Variants in EDDM13 observed in about 807,000 individuals in gnomAD.
EDDM13 encodes epididymal protein 13.
In EDDM13, 24 loss-of-function variants were observed where a neutral mutation model predicts 17.8. The ratio of observed to expected loss-of-function variants is 1.35; its 90% CI spans 0.98 to 1.90. The LOEUF (loss-of-function observed/expected upper bound fraction) is 1.90. Ranked by LOEUF, EDDM13 falls within the 40% of genes most tolerant of loss-of-function variation. The probability of loss-of-function intolerance (pLI) is 0.00; values close to 1 mark genes in which losing one functional copy is unlikely to be tolerated. For synonymous variants in EDDM13, 31 were observed against 37.5 expected, an observed-to-expected ratio of 0.83 and a Z score of 0.63; for missense variants, 97 against 100.8, an observed-to-expected ratio of 0.96 and a Z score of 0.16.
chr19:56,287,138 C>T (rs543033567), intron 6 of EDDM13, among the ~76,000 whole-genome samples: 5 of 152,304 alleles, frequency 3.3e-5, no homozygotes, highest in Non-Finnish European at 7.3e-5. Flanking sequence ...TGACAGTTTC[C>T]GAGTTTTGTC....
chr19:56,300,413 A>G (rs147664831), intron 12 of EDDM13, among the ~76,000 whole-genome samples: 4 of 152,322 alleles, frequency 2.6e-5, no homozygotes, highest in African/African-American at 9.6e-5. Flanking sequence ...GCTTAATCCA[A>G]GGGAAAAATA....
intron 2 of EDDM13, among the ~76,000 whole-genome samples, chr19:56,278,344 G>T (rs1053808867): frequency 3.3e-5 from 5 of 152,174 alleles, no homozygotes; most frequent in African/African-American, 4.8e-5. Context: ...ATGTTGGCCA[G>T]GCTGGTTTTG....
Position 56,305,918 on chromosome 19 carries a change from C to T in EDDM13, c.461+1088C>T, listed in dbSNP as rs183610323. On this transcript the variant is annotated intron_variant, in intron 14 of 14. Transcript: ENST00000649256. ...GAAGGAACTGGCTTGTACGAAGGCCCTGGGGTGGAAAGTGGCCTAGATGTG... is the reference window on the plus strand; with the variant it reads ...GAAGGAACTGGCTTGTACGAAGGCCTTGGGGTGGAAAGTGGCCTAGATGTG... Among the ~76,000 whole-genome samples, 493 of 148,234 alleles carry T rather than the reference C, an allele frequency of 3.3e-3. 2 individuals are homozygous for T. The highest frequency in any genetic ancestry group is 0.012 in the African/African-American group (464 of 39,770).
chr19:56,283,277 T>C (rs1163429824), intron 4 of EDDM13: 2 of 152,164 alleles, frequency 1.3e-5, no homozygotes, highest in East Asian at 1.9e-4. Flanking sequence ...TATTATTACG[T>C]ACTTCATATT....
At chr19:56,285,531 A>G (rs948367498) in intron 6 of EDDM13, among the ~76,000 whole-genome samples, 5 of 152,112 alleles carry the variant, frequency 3.3e-5, no homozygotes, top group African/African-American at 1.2e-4. Flanking sequence ...GTTCATGTAC[A>G]TTTAGTTTTT....
intron 2 of EDDM13, among the ~76,000 whole-genome samples, chr19:56,276,600 G>A (rs778515579): frequency 1.7e-4 from 26 of 151,064 alleles, no homozygotes; most frequent in African/African-American, 2.2e-4. Flanking sequence ...GTAGTGGTGC[G>A]ATCTGGGTTC....
At chr19:56,304,675 G>T (rs896156573) in intron 13 of EDDM13, 118 bp from the exon 14 acceptor site, 2 of 464,060 alleles carry the variant, frequency 4.3e-6, no homozygotes, top group Non-Finnish European at 5.7e-6. Context: ...AAAGAGCAGA[G>T]GGGGAGGACG....
At chr19:56,288,483 G>C (rs567965075) in intron 7 of EDDM13, among the ~76,000 whole-genome samples, 45 bp downstream of exon 7, 1 of 152,254 alleles carries the variant, frequency 6.6e-6, no homozygotes, top group East Asian at 1.9e-4. Context: ...GAACCCAGCA[G>C]GTCTACCCAG....
At chr19:56,305,353 A>G (rs955681749) in intron 14 of EDDM13, among the ~76,000 whole-genome samples, 1 of 152,182 alleles carries the variant, frequency 6.6e-6, no homozygotes, top group Non-Finnish European at 1.5e-5. Context: ...GGCCCTTTGC[A>G]TCTGGGTTTA....
chr19:56,297,199 G>A (rs2039931845), intron 11 of EDDM13, among the ~76,000 whole-genome samples: 2 of 152,116 alleles, frequency 1.3e-5, no homozygotes, highest in African/African-American at 4.8e-5. Context: ...TATATGCAAA[G>A]GCCCTGAGGC....
At chr19:56,279,573 G>A (rs1294816205) in intron 2 of EDDM13, among the ~76,000 whole-genome samples, 1 of 152,128 alleles carries the variant, frequency 6.6e-6, no homozygotes, top group Non-Finnish European at 1.5e-5. Context: ...TGTCCCATAT[G>A]GGGTCTGAGG....
At chr19:56,306,385 G>A (rs1461422658) in intron 14 of EDDM13, among the ~76,000 whole-genome samples, 6 of 78,532 alleles carry the variant, frequency 7.6e-5, no homozygotes, top group African/African-American at 2.5e-4. Context: ...CTCCCACGTC[G>A]CCAGAGAAAG....
At chr19:56,292,169 T>C (rs1430284212) in intron 9 of EDDM13, among the ~76,000 whole-genome samples, 1 of 152,218 alleles carries the variant, frequency 6.6e-6, no homozygotes, top group Non-Finnish European at 1.5e-5. Context: ...TCTCTGACCA[T>C]TTCATCATGC....
chr19:56,296,612 G>A (rs1209199179), intron 11 of EDDM13, among the ~76,000 whole-genome samples: 1 of 152,120 alleles, frequency 6.6e-6, no homozygotes, highest in Non-Finnish European at 1.5e-5. Flanking sequence ...ACAGAAGTCT[G>A]TGACCAAGTG....
chr19:56,298,811 GA>G (rs2040047002), intron 12 of EDDM13, among the ~76,000 whole-genome samples: 1 of 152,132 alleles, frequency 6.6e-6, no homozygotes, highest in South Asian at 2.1e-4. Flanking sequence ...AAATCTTCCA[GA>G]AAATTAAAAA....
chr19:56,274,893 T>G (rs565851593), intron 1 of EDDM13: 90 of 152,360 alleles, frequency 5.9e-4, no homozygotes, highest in African/African-American at 1.9e-3. Context: ...CTCCTCAATC[T>G]TTGTCTTTCA....
At chr19:56,287,961 A>G (rs2039251061) in intron 6 of EDDM13, among the ~76,000 whole-genome samples, 1 of 152,188 alleles carries the variant, frequency 6.6e-6, no homozygotes, top group Admixed American at 6.5e-5. Flanking sequence ...CATCCTGGGA[A>G]CCCCTTCAGT....
At chr19:56,296,133 C>T (rs2039855822) in intron 10 of EDDM13, 166 bp downstream of exon 10, 1 of 152,428 alleles carries the variant, frequency 6.6e-6, no homozygotes, top group South Asian at 2.1e-4. Flanking sequence ...GGAAAAGTAA[C>T]AGGCAGTTAA....
intron 4 of EDDM13, 124 bp downstream of exon 4, chr19:56,282,623 C>A: frequency 6.7e-6 from 3 of 450,112 alleles, no homozygotes; most frequent in South Asian, 9.5e-5. Context: ...CTTCTAATAG[C>A]GGAACTAGTA....
Sources: gnomAD v4.1 joint callset for allele counts (sites outside exome capture counted in the v4.1 genomes callset) on GRCh38, gnomAD v4.1.1 for gene constraint, MANE v1.5 for transcripts, NCBI Gene and HGNC (gene_info 2026-07-23, HGNC 2026-07-21) for gene names.